The following XIRP2 variants were observed in gnomAD, a reference collection of about 807,000 sequenced individuals.
XIRP2 encodes xin actin binding repeat containing 2.
XIRP2 carries 236 observed loss-of-function variants against 277.0 expected under a neutral mutation model. The observed-to-expected ratio is 0.85, with a 90% CI of 0.77 to 0.95. The LOEUF (loss-of-function observed/expected upper bound fraction) is 0.95. Ranked by LOEUF, XIRP2 falls within the 40% of genes least tolerant of loss-of-function variation. The probability of loss-of-function intolerance (pLI) is 0.00; values close to 1 mark genes in which losing one functional copy is unlikely to be tolerated. For missense variants in XIRP2, 4,640 were observed against 4,157.5 expected (o/e 1.12, Z -3.19); for synonymous variants, 1,490 against 1,416.5 (o/e 1.05, Z -1.17).
At chr2:167,004,918 A>G (rs946074490) in intron 2 of XIRP2, among the ~76,000 whole-genome samples, 2 of 151,994 alleles carry the variant, frequency 1.3e-5, no homozygotes, top group East Asian at 1.9e-4. Flanking sequence ...TAAAATTTTC[A>G]TTTTTAACTG....
chr2:166,984,002 C>A (rs1686937736), intron 2 of XIRP2, among the ~76,000 whole-genome samples: 1 of 152,106 alleles, frequency 6.6e-6, no homozygotes, highest in Non-Finnish European at 1.5e-5. Context: ...AGCAAAGAAA[C>A]ACAGCCCTTA....
At chr2:167,158,329 C>T (rs1444870213) in intron 3 of XIRP2, among the ~76,000 whole-genome samples, 1 of 152,116 alleles carries the variant, frequency 6.6e-6, no homozygotes, top group Non-Finnish European at 1.5e-5. Flanking sequence ...TGTATTTTTA[C>T]CATATAATAT....
At chr2:167,019,234 G>C (rs140586686) in intron 2 of XIRP2, among the ~76,000 whole-genome samples, 1 of 151,960 alleles carries the variant, frequency 6.6e-6, no homozygotes, top group African/African-American at 2.4e-5. Context: ...TCAAGGTCTC[G>C]TTCAGTCCCT....
At chr2:167,095,004 T>A (rs1690258545) in intron 2 of XIRP2, among the ~76,000 whole-genome samples, 1 of 152,200 alleles carries the variant, frequency 6.6e-6, no homozygotes, top group Admixed American at 6.5e-5. Flanking sequence ...GAGTGATGAT[T>A]TGTAATTCCC....
chr2:167,026,823 GT>G (rs1185401968), intron 2 of XIRP2, among the ~76,000 whole-genome samples: 1 of 152,084 alleles, frequency 6.6e-6, no homozygotes, highest in Non-Finnish European at 1.5e-5. Context: ...CTTTAAGAAT[GT>G]TGAATGTTGG....
chr2:166,976,432 A>G (rs184658921), intron 2 of XIRP2, among the ~76,000 whole-genome samples: 18 of 152,120 alleles, frequency 1.2e-4, no homozygotes, highest in African/African-American at 4.3e-4. Context: ...AATGTTTTCT[A>G]TTATTCCACT....
In XIRP2 at chr2:167,245,366, A is replaced by G; in HGVS notation, c.3974A>G (p.Gln1325Arg). The change falls in exon 9 of 11, where the codon CAA (glutamine) becomes CGA (arginine). Residue 1325 changes from glutamine to arginine, a missense_variant. Transcript: ENST00000409195. ...GAAACCCAGCCACTCTATGCAATTC[A>G]AGACCGAGAAGGGTCCTATCATGAA... is the stretch of plus-strand genomic sequence containing the variant. ...LFETQPLYAI[Q>R]DREGSYHEVT... 6.2e-7 allele frequency: 1 copy of G among 1,613,788 alleles called. No homozygotes were observed. The highest frequency in any genetic ancestry group is 2.2e-5 in the East Asian group (1 of 44,834).
chr2:167,099,077 C>A (rs939977545), intron 2 of XIRP2, among the ~76,000 whole-genome samples: 2 of 152,166 alleles, frequency 1.3e-5, no homozygotes, highest in Non-Finnish European at 2.9e-5. Context: ...CAGGAAGGAA[C>A]GTTTAAGTTT....
In XIRP2 at chr2:167,246,694, A is replaced by G; in HGVS notation, c.5302A>G (p.Thr1768Ala). The change falls in exon 9 of 11, where the codon ACA becomes GCA. Residue 1768 changes from threonine to alanine, a missense_variant. Transcript: ENST00000409195. The stretch of plus-strand genomic sequence containing the variant: ...ACAACTCCACACAGAGTCAAATGAA[A>G]CACTGACAGCTAAGAAACAAGAAGG... Reference protein sequence around the residue: ...LKQLHTESNETLTAKKQEGEK... With the variant: ...LKQLHTESNEALTAKKQEGEK... The G allele has an allele frequency of 6.2e-7, 1 of 1,613,706 alleles. No homozygotes were observed. Among genetic ancestry groups the G allele is most frequent in the East Asian group, 2.2e-5 (1 of 44,826 alleles).
chr2:166,891,452 T>C (rs906149566), intron 1 of XIRP2, among the ~76,000 whole-genome samples: 3 of 152,214 alleles, frequency 2.0e-5, no homozygotes, highest in Non-Finnish European at 4.4e-5. Flanking sequence ...CTAGCATAGC[T>C]GGAGAAGTTA....
chr2:167,027,264 T>G (rs747076636), intron 2 of XIRP2, among the ~76,000 whole-genome samples: 3 of 152,134 alleles, frequency 2.0e-5, no homozygotes, highest in Non-Finnish European at 4.4e-5. Context: ...TCACCTTCCA[T>G]CACTGATACC....
intron 3 of XIRP2, among the ~76,000 whole-genome samples, chr2:167,148,051 T>C (rs1360302560): frequency 6.6e-6 from 1 of 151,876 alleles, no homozygotes; most frequent in Non-Finnish European, 1.5e-5. Context: ...TTTAAACTAC[T>C]AGACAAAAAA....
intron 3 of XIRP2, among the ~76,000 whole-genome samples, chr2:167,137,348 C>T (rs1331615975): frequency 6.6e-6 from 1 of 152,164 alleles, no homozygotes; most frequent in African/African-American, 2.4e-5. Flanking sequence ...GAGGAATTTA[C>T]TCCACATATT....
At chr2:167,176,253 G>A (rs1559008320) in intron 3 of XIRP2, among the ~76,000 whole-genome samples, 3 of 152,202 alleles carry the variant, frequency 2.0e-5, no homozygotes, top group Admixed American at 2.0e-4. Flanking sequence ...CTCTTGGCCA[G>A]GGGAGGGAGT....
At position 166,934,517 on chromosome 2, in the gene XIRP2, A is replaced by G. The variant is rs1375960332; in HGVS notation, c.408+30627A>G. On this transcript the variant is annotated intron_variant, in intron 2 of 10. Transcript: ENST00000409195. ...CTGAAGCAGAGAACATGGTTAAGCT[A>G]TGCCCAGGCTTCTGACCTATAGAAA... 5.9e-5 allele frequency among the ~76,000 whole-genome samples: 9 copies of G among 152,364 alleles called. No individual in the cohort carries two copies. In the East Asian group the frequency reaches 1.5e-3, roughly 26 times the overall value.
Position 167,135,937 on chromosome 2 carries a change from C to T in XIRP2, c.437C>T (p.Ser146Leu), listed in dbSNP as rs1360331676. ...GTGGAAATTGAGCGAAGTTTGTGCT[C>T]GCCAGCTTTTAAGAGTCACCCTGGG... ...KEVEIERSLC[S>L]PAFKSHPGSQ... Residue 146 changes from serine (S) to leucine (L), a missense_variant, in exon 3 of 11, where the codon TCG becomes TTG. Coordinates refer to ENST00000409195, the MANE Select transcript of XIRP2 (RefSeq NM_152381.6). 1 of 1,602,630 alleles carries T rather than the reference C, an allele frequency of 6.2e-7. No individual in the cohort carries two copies. The highest frequency in any genetic ancestry group is 1.1e-5 in the South Asian group (1 of 89,400).
chr2:167,072,615 A>G (rs956753777), intron 2 of XIRP2, among the ~76,000 whole-genome samples: 1 of 152,192 alleles, frequency 6.6e-6, no homozygotes. Flanking sequence ...CAGGCACTCA[A>G]TAAATACTTC....
chr2:166,933,090 A>G (rs1215350088), intron 2 of XIRP2, among the ~76,000 whole-genome samples: 2 of 150,356 alleles, frequency 1.3e-5, no homozygotes, highest in Non-Finnish European at 3.0e-5. Flanking sequence ...ACACACATAC[A>G]CACACACACA....
intron 2 of XIRP2, among the ~76,000 whole-genome samples, chr2:166,912,970 G>A (rs533560070): frequency 8.5e-5 from 13 of 152,278 alleles, no homozygotes; most frequent in East Asian, 7.7e-4. Context: ...TGGAAGCTTC[G>A]TCTCAGAGGG....
Sources: gnomAD v4.1 joint callset for allele counts (sites outside exome capture counted in the v4.1 genomes callset) on GRCh38, gnomAD v4.1.1 for gene constraint, MANE v1.5 for transcripts, NCBI Gene and HGNC (gene_info 2026-07-23, HGNC 2026-07-21) for gene names.